GRIA1: variants seen among roughly 807,000 people sequenced by gnomAD.
GRIA1 encodes glutamate ionotropic receptor AMPA type subunit 1.
In GRIA1, 31 loss-of-function variants were observed where a neutral mutation model predicts 99.2. The observed-to-expected ratio is 0.31, with a 90% CI of 0.23 to 0.42. The LOEUF is 0.42. Among genes scored for constraint, GRIA1 ranks in the 10% least tolerant of loss-of-function variants. The pLI, the probability that GRIA1 is intolerant of heterozygous loss-of-function variation, is 1.00. For missense variants in GRIA1, 782 were observed against 1,157.5 expected (o/e 0.68, Z 4.71); for synonymous variants, 438 against 432.4 (o/e 1.01, Z -0.16).
chr5:153,785,428 A>T (rs866330223), intron 13 of GRIA1, among the ~76,000 whole-genome samples: 1 of 152,220 alleles, frequency 6.6e-6, no homozygotes, highest in Non-Finnish European at 1.5e-5. Context: ...ACAAAAAAAT[A>T]AAATGGTAAA....
chr5:153,524,137 C>T (rs935582772), intron 2 of GRIA1, among the ~76,000 whole-genome samples: 2 of 152,114 alleles, frequency 1.3e-5, no homozygotes, highest in African/African-American at 4.8e-5. Context: ...ATCAGCCTGA[C>T]CAACATGGTG....
intron 2 of GRIA1, among the ~76,000 whole-genome samples, chr5:153,639,737 C>T (rs751421490): frequency 1.3e-5 from 2 of 152,194 alleles, no homozygotes; most frequent in Non-Finnish European, 2.9e-5. Flanking sequence ...ATGTATACCC[C>T]TAGCACCAGC....
intron 10 of GRIA1, among the ~76,000 whole-genome samples, chr5:153,704,725 C>T (rs1758770687): frequency 6.6e-6 from 1 of 152,226 alleles, no homozygotes. Context: ...ACCCCTCTTT[C>T]AATGCCAACT....
rs540826091 is a variant in GRIA1, at chr5:153,589,597, C to T, written c.221-57331C>T. 8.5e-5 allele frequency among the ~76,000 whole-genome samples: 13 copies of T among 152,060 alleles called. No homozygotes were observed. The South Asian group carries it at 1.9e-3, about 22-fold the overall frequency. On this transcript the variant is annotated intron_variant, in intron 2 of 15. Transcript: ENST00000285900. ...TGCTCGCTTGTTTGTCTGTGTGATT[C>T]GGTGGTTTTATTTTGATTTTCATAG... is the stretch of plus-strand genomic sequence containing the variant.
intron 13 of GRIA1, among the ~76,000 whole-genome samples, chr5:153,792,263 G>A (rs1442996494): frequency 6.6e-6 from 1 of 152,204 alleles, no homozygotes; most frequent in Admixed American, 6.5e-5. Flanking sequence ...TGTGGGAGAT[G>A]CTCTGTGAGG....
chr5:153,490,619 G>C, upstream of GRIA1: 1 of 515,586 alleles, frequency 1.9e-6, no homozygotes, highest in Non-Finnish European at 3.5e-6. Context: ...AGAGGGAGTG[G>C]GGGAGCCAGC....
chr5:153,553,196 A>G (rs1298140026), intron 2 of GRIA1, among the ~76,000 whole-genome samples: 1 of 152,236 alleles, frequency 6.6e-6, no homozygotes. Context: ...TCTTCAGCCA[A>G]AAGAACATTA....
chr5:153,612,497 C>G (rs1199376104), intron 2 of GRIA1, among the ~76,000 whole-genome samples: 1 of 152,234 alleles, frequency 6.6e-6, no homozygotes, highest in Admixed American at 6.5e-5. Context: ...TAGAATCTAT[C>G]TTGCAATGCA....
intron 2 of GRIA1, among the ~76,000 whole-genome samples, chr5:153,533,152 A>G (rs1410137794): frequency 2.0e-5 from 3 of 152,232 alleles, no homozygotes; most frequent in African/African-American, 7.2e-5. Context: ...GATACCTTGC[A>G]GCTCCAAAGT....
intron 11 of GRIA1, among the ~76,000 whole-genome samples, chr5:153,726,428 T>G (rs545796511): frequency 0.07 from 10,415 of 148,262 alleles, 412 homozygotes; most frequent in African/African-American, 0.082. Context: ...CAAAAAACCC[T>G]TCAAAAAATT....
At chr5:153,761,958 T>C (rs1763210225) in intron 11 of GRIA1, among the ~76,000 whole-genome samples, 1 of 152,146 alleles carries the variant, frequency 6.6e-6, no homozygotes, top group Non-Finnish European at 1.5e-5. Flanking sequence ...ATGTGGAATC[T>C]AAAAAAATTG....
At chr5:153,689,236 C>T (rs1757566335) in intron 8 of GRIA1, among the ~76,000 whole-genome samples, 1 of 152,082 alleles carries the variant, frequency 6.6e-6, no homozygotes, top group Admixed American at 6.6e-5. Flanking sequence ...CACCTCCTGC[C>T]TTGACAATGA....
Position 153,547,175 on chromosome 5 carries a change from A to AT in GRIA1, c.220+53120dup, listed in dbSNP as rs146737321. ...AAAACATTATGAGACTTTTTGTGTGATTTTTTTTTTAGCTCATCAGCTATT... is the reference window on the plus strand; with the variant it reads ...AAAACATTATGAGACTTTTTGTGTGATTTTTTTTTTTAGCTCATCAGCTATT... On this transcript the variant is annotated intron_variant, in intron 2 of 15. Coordinates refer to ENST00000285900, the MANE Select transcript of GRIA1 (RefSeq NM_000827.4). 4.5e-3 allele frequency among the ~76,000 whole-genome samples: 679 copies of AT among 150,082 alleles called. 5 individuals carry two copies. The highest frequency in any genetic ancestry group is 0.015 in the African/African-American group (620 of 41,038).
chr5:153,783,851 C>T (rs941350275), intron 13 of GRIA1, among the ~76,000 whole-genome samples: 1 of 152,178 alleles, frequency 6.6e-6, no homozygotes, highest in Non-Finnish European at 1.5e-5. Context: ...CATGCAAGTA[C>T]AGTGGGACCA....
At chr5:153,720,964 C>G (rs1760016572) in intron 11 of GRIA1, among the ~76,000 whole-genome samples, 1 of 152,142 alleles carries the variant, frequency 6.6e-6, no homozygotes, top group South Asian at 2.1e-4. Context: ...ATCCTGGGCC[C>G]CAAGTGCCAT....
intron 2 of GRIA1, among the ~76,000 whole-genome samples, chr5:153,519,676 T>A (rs1191237611): frequency 1.3e-5 from 2 of 152,022 alleles, no homozygotes; most frequent in Non-Finnish European, 2.9e-5. Flanking sequence ...CCATCCACCT[T>A]GAGAAGCATG....
intron 2 of GRIA1, among the ~76,000 whole-genome samples, chr5:153,539,293 A>G (rs1424218944): frequency 6.6e-6 from 1 of 152,268 alleles, no homozygotes; most frequent in East Asian, 1.9e-4. Context: ...TATTCTAGCC[A>G]TATGCCATTG....
At chr5:153,575,514 C>A (rs963754559) in intron 2 of GRIA1, among the ~76,000 whole-genome samples, 6 of 152,182 alleles carry the variant, frequency 3.9e-5, no homozygotes, top group African/African-American at 1.4e-4. Context: ...TGTGAAAAAT[C>A]ATTGAACTTC....
At chr5:153,550,970 T>A (rs1303605131) in intron 2 of GRIA1, among the ~76,000 whole-genome samples, 2 of 152,192 alleles carry the variant, frequency 1.3e-5, no homozygotes, top group Non-Finnish European at 2.9e-5. Context: ...ACAATGAATT[T>A]ATATTCTTAA....
Sources: gnomAD v4.1 joint callset for allele counts (sites outside exome capture counted in the v4.1 genomes callset) on GRCh38, gnomAD v4.1.1 for gene constraint, MANE v1.5 for transcripts, NCBI Gene and HGNC (gene_info 2026-07-23, HGNC 2026-07-21) for gene names.